TRIM45: variants seen among roughly 807,000 people sequenced by gnomAD.
The protein encoded by TRIM45 is tripartite motif containing 45, also known as E3 ubiquitin-protein ligase TRIM45.
TRIM45 carries 45 observed loss-of-function variants against 46.7 expected under a neutral mutation model. The ratio of observed to expected loss-of-function variants is 0.96; its 90% CI spans 0.76 to 1.24. The LOEUF (loss-of-function observed/expected upper bound fraction) is 1.24. Ranked by LOEUF, TRIM45 falls within the 50% of genes most tolerant of loss-of-function variation. TRIM45 has a pLI of 0.00. For missense variants in TRIM45, 680 were observed against 728.4 expected (o/e 0.93, Z 0.77); for synonymous variants, 259 against 285.8 (o/e 0.91, Z 0.94).
At position 117,116,654 on chromosome 1, in the gene TRIM45, G is replaced by A. The variant is rs770531536; in HGVS notation, c.1314C>T (p.Asn438=). 3.2e-5 allele frequency: 51 copies of A among 1,613,818 alleles called. 1 individual carries two copies. In the South Asian group the frequency reaches 3.8e-4, roughly 12 times the overall value. The change falls in exon 3 of 6, where the codon AAC becomes AAT. Residue 438 remains asparagine (N), a synonymous_variant. Coordinates refer to ENST00000256649, the MANE Select transcript of TRIM45 (RefSeq NM_025188.4). The surrounding 1 kb of genome is among the most constrained non-coding windows in gnomAD (Gnocchi z 4.6). ...CTTTAGGGACAACGGCAACTTGAAC[G>A]TTGTCTCCTCCCCTGCCCATGATTT... ...AGEIMGRGGD[N]VQVAVVPKDK...
In TRIM45 at chr1:117,117,236, A is replaced by G. The variant is rs1650435303; in HGVS notation, c.1223-491T>C. On this transcript the variant is annotated intron_variant, in intron 2 of 5. Coordinates refer to ENST00000256649, the MANE Select transcript of TRIM45 (RefSeq NM_025188.4). This position sits in a 1 kb window ranked among gnomAD's most constrained non-coding sequence, Gnocchi z 4.9. Reference sequence around the variant, plus strand: ...CAGTAGCTACAGCCCCTACTCCAGCATTCAGATGAAACAGGGTTTCTTAAC... The same window carrying G: ...CAGTAGCTACAGCCCCTACTCCAGCGTTCAGATGAAACAGGGTTTCTTAAC... Among the ~76,000 whole-genome samples the G allele has an allele frequency of 1.3e-5, 2 of 152,162 alleles. No individual in the cohort carries two copies. The highest frequency in any genetic ancestry group is 1.3e-4 in the Admixed American group (2 of 15,276).
rs916612339 is a variant in TRIM45 at position 117,116,886 on chromosome 1, C to T, written c.1223-141G>A. On this transcript the variant is annotated intron_variant, in intron 2 of 5. Coordinates refer to ENST00000256649, the MANE Select transcript of TRIM45 (RefSeq NM_025188.4). This position sits in a 1 kb window ranked among gnomAD's most constrained non-coding sequence, Gnocchi z 4.6. ...CCCTTTGTTTTCTCTTCCCCTTCTGCCTCCCAGAGTACGCCTCTTGGGAGT... is the reference window on the plus strand; with the variant it reads ...CCCTTTGTTTTCTCTTCCCCTTCTGTCTCCCAGAGTACGCCTCTTGGGAGT... 2 of 1,201,848 alleles carry T rather than the reference C, an allele frequency of 1.7e-6. No homozygotes were observed. The highest frequency in any genetic ancestry group is 2.3e-6 in the Non-Finnish European group (2 of 871,394). The allele number at this position is 1,201,848 out of a possible 1,614,324, so 74.4% of individuals were successfully genotyped here. A position where few individuals can be genotyped will look rare whatever the true frequency, so the allele number is the denominator to read the frequency against.
In TRIM45 at chr1:117,111,567, C is replaced by CA. The variant is rs1184124350; in HGVS notation, c.*737dup. 3 of 152,068 alleles carry CA rather than the reference C, an allele frequency of 2.0e-5. No individual in the cohort carries two copies. In the East Asian group the frequency reaches 5.8e-4, roughly 29 times the overall value. 9.4% of individuals were successfully genotyped at this position (152,068 alleles called of 1,614,324 possible). On this transcript the variant is annotated 3_prime_UTR_variant, in exon 6 of 6. Transcript: ENST00000256649. ...AGTAAATCCAATGAAAGTATGCTAA[C>CA]AAAAAGTGGACAGGATGAAAGGAGG... is the stretch of plus-strand genomic sequence containing the variant.
rs945639226 is a variant in TRIM45, at chr1:117,115,047, C to T, written c.1467+528G>A. On this transcript the variant is annotated intron_variant, in intron 4 of 5. Transcript: ENST00000256649. This position sits in a 1 kb window ranked among gnomAD's most constrained non-coding sequence, Gnocchi z 4.2. Reference sequence around the variant, plus strand: ...GTTTGTAGAAACCATGGTAACGTAACTTGTTTGGTATATTTGTTTGTTTAT... The same window carrying T: ...GTTTGTAGAAACCATGGTAACGTAATTTGTTTGGTATATTTGTTTGTTTAT... 5.3e-5 allele frequency among the ~76,000 whole-genome samples: 8 copies of T among 152,078 alleles called. No individual in the cohort carries two copies. The highest frequency in any genetic ancestry group is 1.9e-4 in the African/African-American group (8 of 41,360).
chr1:117,123,469 A>G (rs1452854822), upstream of TRIM45, among the ~76,000 whole-genome samples: 1 of 152,216 alleles, frequency 6.6e-6, no homozygotes, highest in Non-Finnish European at 1.5e-5. Context: ...CTCATTTAGC[A>G]GTATCTCATT....
intron 4 of TRIM45, among the ~76,000 whole-genome samples, chr1:117,114,787 A>AG (rs1238531745): frequency 6.6e-6 from 1 of 152,260 alleles, no homozygotes; most frequent in Non-Finnish European, 1.5e-5. Flanking sequence ...TACCATAATT[A>AG]GGTAAACAAT....
At position 117,113,624 on chromosome 1, in the gene TRIM45, A is replaced by C; in HGVS notation, c.1468-139T>G. 8.5e-7 allele frequency: 1 copy of C among 1,179,082 alleles called. No individual in the cohort carries two copies. The highest frequency in any genetic ancestry group is 1.6e-5 in the African/African-American group (1 of 64,492). 73.0% of individuals were successfully genotyped at this position (1,179,082 alleles called of 1,614,324 possible). ...AAGGACAACAGGAAAGAAACAGATT[A>C]GAGGACAAGAACCCTGCTCAGCTGA... is the stretch of plus-strand genomic sequence containing the variant. On this transcript the variant is annotated intron_variant, in intron 4 of 5. Transcript: ENST00000256649. This position sits in a 1 kb window ranked among gnomAD's most constrained non-coding sequence, Gnocchi z 4.0.
In TRIM45 at chr1:117,118,706, G is replaced by A. The variant is rs138022417; in HGVS notation, c.550C>T (p.Arg184Trp). ...VDLKDLKGYSRIGKPILCPVH... is the reference protein window; with the variant it reads ...VDLKDLKGYSWIGKPILCPVH... ...GGACACAGGATGGGCTTCCCAATCC[G>A]GCTGTAGCCTTTCAAGTCTTTTAGG... Residue 184 changes from arginine to tryptophan, a missense_variant, in exon 2 of 6, where the codon CGG becomes TGG. Transcript: ENST00000256649. The surrounding 1 kb of genome is among the most constrained non-coding windows in gnomAD (Gnocchi z 5.7). 6.8e-6 allele frequency: 11 copies of A among 1,613,702 alleles called. No individual in the cohort carries two copies. Among genetic ancestry groups the A allele is most frequent in the Admixed American group, 6.7e-5 (4 of 60,026 alleles).
upstream of TRIM45, chr1:117,122,388 G>C (rs1215031246): frequency 6.6e-6 from 1 of 152,386 alleles, no homozygotes; most frequent in Admixed American, 6.5e-5. Flanking sequence ...TTTCGGGGGT[G>C]AGGGCATCTC....
chr1:117,118,427 C>T lies in TRIM45; in HGVS notation c.829G>A (p.Val277Ile), dbSNP rs1650489590. 2 of 1,614,158 alleles carry T rather than the reference C, an allele frequency of 1.2e-6. No homozygotes were observed. Among genetic ancestry groups the T allele is most frequent in the East Asian group, 2.2e-5 (1 of 44,870 alleles). Residue 277 changes from valine (V) to isoleucine (I), a missense_variant, in exon 2 of 6, where the codon GTC becomes ATC. Val to Ile is a conservative substitution (Grantham distance 29, BLOSUM62 3). Around this residue, in one of 3 missense-constraint regions of TRIM45, gnomAD observed 349 missense variants for 343.6 expected, o/e 1.02. Transcript: ENST00000256649. The surrounding 1 kb of genome is among the most constrained non-coding windows in gnomAD (Gnocchi z 5.7). ...ATGTAGCCCTCCGAGAATGTCCGGA[C>T]ATCAGCTGCCACTGCCTCCACTCGC... is the stretch of plus-strand genomic sequence containing the variant. Reference protein sequence around the residue: ...QKRVEAVAADVRTFSEGYIKA... With the variant: ...QKRVEAVAADIRTFSEGYIKA...
At position 117,118,045 on chromosome 1, in the gene TRIM45, A is replaced by G. The variant is rs1255010010; in HGVS notation, c.1211T>C (p.Leu404Pro). ...AAATGCCTTCCTACCTTCTCCTTGT[A>G]GGACACATTTGGCTGGATCAACCTC... ...TKEVDPAKCV[L>P]QGEDLHRARE... The change falls in exon 2 of 6, where the codon CTA (leucine) becomes CCA (proline). Residue 404 changes from leucine (L) to proline (P), a missense_variant. This residue lies in a region of TRIM45 where 322 missense variants were observed against 359.3 expected (regional missense o/e 0.90). Transcript: ENST00000256649. The surrounding 1 kb of genome is among the most constrained non-coding windows in gnomAD (Gnocchi z 5.7). The G allele has an allele frequency of 1.9e-6, 3 of 1,613,094 alleles. No individual in the cohort carries two copies. Among genetic ancestry groups the G allele is most frequent in the East Asian group, 2.2e-5 (1 of 44,860 alleles).
In TRIM45 at chr1:117,113,894, T is replaced by C. The variant is rs116738132; in HGVS notation, c.1468-409A>G. On this transcript the variant is annotated intron_variant, in intron 4 of 5. Coordinates refer to ENST00000256649, the MANE Select transcript of TRIM45 (RefSeq NM_025188.4). The surrounding 1 kb of genome is among the most constrained non-coding windows in gnomAD (Gnocchi z 4.0). ...AGCCCATGCCACAATAAGCTTAAGC[T>C]TTTCTTGATGGATTCTGCCTCACTC... is the stretch of plus-strand genomic sequence containing the variant. 4.0e-3 allele frequency among the ~76,000 whole-genome samples: 606 copies of C among 152,364 alleles called. 5 individuals carry two copies. Among genetic ancestry groups the C allele is most frequent in the African/African-American group, 0.014 (567 of 41,582 alleles).
At chr1:117,121,788 A>G (rs1427905200), upstream of TRIM45, 17 of 709,810 alleles carry the variant, frequency 2.4e-5, no homozygotes, top group East Asian at 4.7e-4. The surrounding 1 kb of genome is among the most constrained non-coding windows in gnomAD (Gnocchi z 4.2). Flanking sequence ...TACTCCGGCG[A>G]GTCCAATCAC....
At position 117,117,511 on chromosome 1, in the gene TRIM45, A is replaced by C. The variant is rs1304731207; in HGVS notation, c.1222+523T>G. On this transcript the variant is annotated intron_variant, in intron 2 of 5. Transcript: ENST00000256649. This position sits in a 1 kb window ranked among gnomAD's most constrained non-coding sequence, Gnocchi z 4.9. ...TAGAAAGGGAACACTCGTTAAAAAAAACCATTTTTTCCCCCAATTAAATGA... is the reference window on the plus strand; with the variant it reads ...TAGAAAGGGAACACTCGTTAAAAAACACCATTTTTTCCCCCAATTAAATGA... Among the ~76,000 whole-genome samples the C allele has an allele frequency of 5.9e-5, 9 of 152,224 alleles. No individual in the cohort carries two copies. The East Asian group carries it at 1.7e-3, about 29-fold the overall frequency.
rs181454683 is a variant in TRIM45, at chr1:117,113,524, C to G, written c.1468-39G>C. On this transcript the variant is annotated intron_variant, in intron 4 of 5. Coordinates refer to ENST00000256649, the MANE Select transcript of TRIM45 (RefSeq NM_025188.4). The surrounding 1 kb of genome is among the most constrained non-coding windows in gnomAD (Gnocchi z 4.0). ...ACCAAAAGCAATGAACAGCATCTTACGAGTTAACAGGATGTGCTGCGCATC... is the reference window on the plus strand; with the variant it reads ...ACCAAAAGCAATGAACAGCATCTTAGGAGTTAACAGGATGTGCTGCGCATC... 1 of 1,601,138 alleles carries G rather than the reference C, an allele frequency of 6.2e-7. No individual in the cohort carries two copies. Among genetic ancestry groups the G allele is most frequent in the Admixed American group, 1.7e-5 (1 of 59,298 alleles).
chr1:117,119,204 T>C (rs1650525831), intron 1 of TRIM45, among the ~76,000 whole-genome samples: 1 of 152,160 alleles, frequency 6.6e-6, no homozygotes, highest in Admixed American at 6.5e-5. Flanking sequence ...AGACACCAAG[T>C]CTCATCTAGC....
In TRIM45 at chr1:117,118,539, CCACA is replaced by C. The variant is rs747773973; in HGVS notation, c.713_716del (p.Val238GlyfsTer23). 1.7e-5 allele frequency: 27 copies of C among 1,614,060 alleles called. No individual in the cohort carries two copies. The highest frequency in any genetic ancestry group is 5.3e-5 in the African/African-American group (4 of 74,916). On this transcript the variant is annotated frameshift_variant, in exon 2 of 6. Coordinates refer to ENST00000256649, the MANE Select transcript of TRIM45 (RefSeq NM_025188.4). LOFTEE classifies it high-confidence loss of function. The surrounding 1 kb of genome is among the most constrained non-coding windows in gnomAD (Gnocchi z 5.7). Reference sequence around the variant, plus strand: ...GGGGCTGAGTACCTTTGAGGAGCTCCCACACAGAGTCCCCATGCTTGTGGATGAC... The same window carrying C: ...GGGGCTGAGTACCTTTGAGGAGCTCCCAGAGTCCCCATGCTTGTGGATGAC...
At position 117,116,804 on chromosome 1, in the gene TRIM45, C is replaced by T. The variant is rs576780227; in HGVS notation, c.1223-59G>A. On this transcript the variant is annotated intron_variant, in intron 2 of 5. Transcript: ENST00000256649. This position sits in a 1 kb window ranked among gnomAD's most constrained non-coding sequence, Gnocchi z 4.6. ...ATGTAAACTGCAGTGACTACATCTCCATCTTGCTTTTTCTCTTCAGAACAA... is the reference window on the plus strand; with the variant it reads ...ATGTAAACTGCAGTGACTACATCTCTATCTTGCTTTTTCTCTTCAGAACAA... 3 of 1,604,750 alleles carry T rather than the reference C, an allele frequency of 1.9e-6. No homozygotes were observed. In the East Asian group the frequency reaches 6.7e-5, roughly 36 times the overall value.
In TRIM45 at chr1:117,121,234, G is replaced by A. The variant is rs1305275456; in HGVS notation, c.-33C>T. The A allele has an allele frequency of 2.6e-6, 4 of 1,509,776 alleles. No homozygotes were observed. In the African/African-American group the frequency reaches 4.2e-5, roughly 16 times the overall value. 93.5% of individuals were successfully genotyped at this position (1,509,776 alleles called of 1,614,324 possible). On this transcript the variant is annotated 5_prime_UTR_variant, in exon 1 of 6. Transcript: ENST00000256649. This position sits in a 1 kb window ranked among gnomAD's most constrained non-coding sequence, Gnocchi z 4.2. ...ACGTTTGTGACCAATATTAGAAAGGGCCCTGGGCAGTTCTACGATTTAGTA... is the reference window on the plus strand; with the variant it reads ...ACGTTTGTGACCAATATTAGAAAGGACCCTGGGCAGTTCTACGATTTAGTA...
Sources: gnomAD v4.1 joint callset for allele counts (sites outside exome capture counted in the v4.1 genomes callset) on GRCh38, gnomAD v4.1.1 for gene constraint, gnomAD v4.1.1 regional missense constraint, Gnocchi (gnomAD v3.1) non-coding constraint, MANE v1.5 for transcripts, NCBI Gene and HGNC (gene_info 2026-07-23, HGNC 2026-07-21) for gene names.